Variants in FER observed in about 807,000 individuals in gnomAD.
The protein encoded by FER is FER tyrosine kinase.
A neutral mutation model predicts 111.0 loss-of-function variants in FER; 63 were observed. The observed-to-expected ratio is 0.57, with a 90% CI of 0.46 to 0.70. The LOEUF (loss-of-function observed/expected upper bound fraction) is 0.70, where lower values mean the gene tolerates loss of function less well. FER is among the 30% of genes least tolerant of loss of function. The pLI, the probability that FER is intolerant of heterozygous loss-of-function variation, is 0.00. For missense variants in FER, 914 were observed against 954.0 expected, an observed-to-expected ratio of 0.96 and a Z score of 0.55; for synonymous variants, 327 against 313.9, an observed-to-expected ratio of 1.04 and a Z score of -0.44.
intron 16 of FER, among the ~76,000 whole-genome samples, chr5:109,069,545 C>G (rs973814175): frequency 6.6e-6 from 1 of 152,002 alleles, no homozygotes; most frequent in Non-Finnish European, 1.5e-5. Flanking sequence ...GTCTCTACCC[C>G]CTGAGTATAT....
At chr5:109,167,413 A>G (rs961111139) in intron 17 of FER, among the ~76,000 whole-genome samples, 1 of 152,202 alleles carries the variant, frequency 6.6e-6, no homozygotes, top group Non-Finnish European at 1.5e-5. Context: ...ATTCATCTGC[A>G]TAATAGAGAC....
At chr5:108,934,186 A>G (rs185699918) in intron 10 of FER, among the ~76,000 whole-genome samples, 125 of 152,264 alleles carry the variant, frequency 8.2e-4, no homozygotes, top group African/African-American at 2.9e-3. Context: ...GGCTTTCTGT[A>G]TGTAATCTAG....
chr5:108,910,425 G>C (rs958696549), intron 10 of FER, among the ~76,000 whole-genome samples: 3 of 152,044 alleles, frequency 2.0e-5, no homozygotes, highest in African/African-American at 7.2e-5. Context: ...ACCACACTTA[G>C]CATAATTTCC....
chr5:108,795,998 G>A (rs1755974554), intron 2 of FER, among the ~76,000 whole-genome samples: 1 of 152,138 alleles, frequency 6.6e-6, no homozygotes, highest in Non-Finnish European at 1.5e-5. Flanking sequence ...TCACTTCTGT[G>A]CTTTGTTTGT....
At chr5:109,109,130 A>C (rs886506268) in intron 17 of FER, among the ~76,000 whole-genome samples, 8 of 152,118 alleles carry the variant, frequency 5.3e-5, no homozygotes, top group African/African-American at 1.9e-4. Flanking sequence ...ACCGATTTGA[A>C]ACTGGAATGC....
chr5:108,865,610 T>G (rs1444885026), intron 5 of FER, among the ~76,000 whole-genome samples: 2 of 152,194 alleles, frequency 1.3e-5, no homozygotes, highest in Non-Finnish European at 2.9e-5. Context: ...AAAGAGCTTC[T>G]GCACAGCAAA....
chr5:109,040,358 A>G (rs908322494), intron 14 of FER, among the ~76,000 whole-genome samples: 2 of 152,142 alleles, frequency 1.3e-5, no homozygotes, highest in African/African-American at 4.8e-5. Context: ...AGAGGTGGAG[A>G]TAAGAGAAGC....
rs1759142220 is a variant in FER at position 109,188,685 on chromosome 5, G to A, written c.*1110G>A. On this transcript the variant is annotated 3_prime_UTR_variant, in exon 20 of 20. Transcript: ENST00000281092. ...TCTATTTTATGGTCTGAATTTACCAGAAAGGTCCTAAGAAAAGTTTCAGGA... is the reference window on the plus strand; with the variant it reads ...TCTATTTTATGGTCTGAATTTACCAAAAAGGTCCTAAGAAAAGTTTCAGGA... 1 of 152,132 alleles carries A rather than the reference G, an allele frequency of 6.6e-6. No homozygotes were observed. The highest frequency in any genetic ancestry group is 2.1e-4 in the South Asian group (1 of 4,820). 9.4% of individuals were successfully genotyped at this position (152,132 alleles called of 1,614,324 possible).
chr5:108,807,664 T>TA (rs1757340677), intron 3 of FER, among the ~76,000 whole-genome samples: 1 of 152,180 alleles, frequency 6.6e-6, no homozygotes, highest in Non-Finnish European at 1.5e-5. Context: ...TTTGCTATCT[T>TA]TAGGGTTAGT....
At chr5:109,023,167 C>T (rs1239314820) in intron 13 of FER, among the ~76,000 whole-genome samples, 1 of 151,958 alleles carries the variant, frequency 6.6e-6, no homozygotes, top group African/African-American at 2.4e-5. Flanking sequence ...GTGTATGTGT[C>T]GAGTGATGTT....
In FER at chr5:109,157,403, T is replaced by C. The variant is rs571266065; in HGVS notation, c.2049-23344T>C. Among the ~76,000 whole-genome samples the C allele has an allele frequency of 2.0e-5, 3 of 152,272 alleles. No homozygotes were observed. The South Asian group carries it at 6.2e-4, about 32-fold the overall frequency. ...CTGTTCTAAATTCTACTCCCTTTGC[T>C]CTGTCATGCCTGGACTGTCATTTTT... On this transcript the variant is annotated intron_variant, in intron 17 of 19. Coordinates refer to ENST00000281092, the MANE Select transcript of FER (RefSeq NM_005246.4).
At chr5:108,951,009 AC>A (rs1288345821) in intron 11 of FER, among the ~76,000 whole-genome samples, 10 of 152,010 alleles carry the variant, frequency 6.6e-5, no homozygotes, top group Admixed American at 2.0e-4. Flanking sequence ...GGTGGCTCAC[AC>A]CTGTAATCTC....
At chr5:109,117,504 T>A (rs1190165533) in intron 17 of FER, among the ~76,000 whole-genome samples, 1 of 152,188 alleles carries the variant, frequency 6.6e-6, no homozygotes. Flanking sequence ...ATTTTTATAA[T>A]AATTTGCTGT....
rs1185664243 is a variant in FER at position 109,047,252 on chromosome 5, G to A, written c.1924+54G>A. The A allele has an allele frequency of 8.1e-6, 8 of 990,688 alleles. No individual in the cohort carries two copies. The South Asian group carries it at 9.9e-5, about 12-fold the overall frequency. 61.4% of individuals were successfully genotyped at this position (990,688 alleles called of 1,614,324 possible). ...TGACATTTTAATGTCATGTTTTATTGTTTTTATATGTTCGATCTCTTTGAT... is the reference window on the plus strand; with the variant it reads ...TGACATTTTAATGTCATGTTTTATTATTTTTATATGTTCGATCTCTTTGAT... On this transcript the variant is annotated intron_variant, in intron 16 of 19. Transcript: ENST00000281092.
intron 9 of FER, among the ~76,000 whole-genome samples, chr5:108,894,849 G>A (rs564753213): frequency 2.6e-5 from 4 of 152,068 alleles, no homozygotes; most frequent in African/African-American, 9.6e-5. Context: ...GTACTGCCGC[G>A]AGAACAGCAC....
Position 108,906,713 on chromosome 5 carries a change from A to G in FER, c.1236+8865A>G, listed in dbSNP as rs561868124. 2.0e-5 allele frequency among the ~76,000 whole-genome samples: 3 copies of G among 152,132 alleles called. No individual in the cohort carries two copies. In the South Asian group the frequency reaches 6.2e-4, roughly 32 times the overall value. The stretch of plus-strand genomic sequence containing the variant: ...TTATAGTTTAATTTGAATGAAAGAA[A>G]AAAATCCCTAAGTACAATTATATCT... On this transcript the variant is annotated intron_variant, in intron 10 of 19. Transcript: ENST00000281092.
At chr5:109,025,118 CATATGAACTTTA>C (rs1042614705) in intron 13 of FER, among the ~76,000 whole-genome samples, 1 of 151,982 alleles carries the variant, frequency 6.6e-6, no homozygotes, top group African/African-American at 2.4e-5. Context: ...GTTTTGGTTC[CATATGAACTTTA>C]AAGTAGTTTT....
chr5:109,155,326 G>C (rs1421247550), intron 17 of FER, among the ~76,000 whole-genome samples: 1 of 151,842 alleles, frequency 6.6e-6, no homozygotes, highest in Non-Finnish European at 1.5e-5. Context: ...ATGAAGAGTA[G>C]TCAAGTTAAA....
At chr5:108,751,171 A>G (rs1189219287) in intron 1 of FER, among the ~76,000 whole-genome samples, 2 of 152,176 alleles carry the variant, frequency 1.3e-5, no homozygotes, top group African/African-American at 4.8e-5. Flanking sequence ...CAGCCTAGGT[A>G]ACAAGACCGA....
Sources: allele counts gnomAD v4.1 joint callset (sites outside exome capture counted in the v4.1 genomes callset), GRCh38; gene constraint gnomAD v4.1.1; transcripts MANE v1.5; gene names NCBI Gene and HGNC (gene_info 2026-07-23, HGNC 2026-07-21).